The following SLC2A13 variants were observed in gnomAD, a reference collection of about 807,000 sequenced individuals.
SLC2A13 encodes the protein proton myo-inositol cotransporter.
SLC2A13 carries 32 observed loss-of-function variants against 64.4 expected under a neutral mutation model. The observed-to-expected ratio is 0.50, with a 90% CI of 0.37 to 0.67. The LOEUF (loss-of-function observed/expected upper bound fraction) is 0.67, where lower values mean the gene tolerates loss of function less well. Among genes scored for constraint, SLC2A13 ranks in the 30% least tolerant of loss-of-function variants. SLC2A13 has a pLI of 0.00. For synonymous variants in SLC2A13, 338 were observed against 327.1 expected (o/e 1.03, Z -0.36); for missense variants, 743 against 829.2 (o/e 0.90, Z 1.28).
At chr12:39,962,200 C>T (rs1946425954) in intron 3 of SLC2A13, among the ~76,000 whole-genome samples, 1 of 152,192 alleles carries the variant, frequency 6.6e-6, no homozygotes, top group Non-Finnish European at 1.5e-5. Flanking sequence ...AAGTGATTCT[C>T]TTGCCTCAGC....
chr12:40,002,254 G>T (rs1245701121), intron 3 of SLC2A13, among the ~76,000 whole-genome samples: 1 of 152,108 alleles, frequency 6.6e-6, no homozygotes, highest in Non-Finnish European at 1.5e-5. Context: ...TCCTATAGTG[G>T]GTACTTTTTC....
At chr12:39,787,704 A>G (rs546837257) in intron 7 of SLC2A13, among the ~76,000 whole-genome samples, 1 of 151,182 alleles carries the variant, frequency 6.6e-6, no homozygotes, top group Non-Finnish European at 1.5e-5. Context: ...ATGCAAATGA[A>G]TAAATAGCAA....
chr12:39,976,376 A>G (rs1041547603), intron 3 of SLC2A13, among the ~76,000 whole-genome samples: 2 of 152,350 alleles, frequency 1.3e-5, no homozygotes, highest in African/African-American at 4.8e-5. Flanking sequence ...GTAGACAATG[A>G]TAAGTGCCAT....
chr12:40,011,192 T>A (rs28370766), intron 3 of SLC2A13, among the ~76,000 whole-genome samples: 103 of 152,176 alleles, frequency 6.8e-4, no homozygotes, highest in African/African-American at 2.5e-3. Context: ...CTGTGTTGAG[T>A]GTTGACTTTT....
chr12:40,007,285 TA>T (rs1323949451), intron 3 of SLC2A13, among the ~76,000 whole-genome samples: 1 of 152,192 alleles, frequency 6.6e-6, no homozygotes, highest in Non-Finnish European at 1.5e-5. Context: ...ATATTTTCTA[TA>T]AAAAACTTGC....
At chr12:39,995,640 T>C (rs1157334600) in intron 3 of SLC2A13, among the ~76,000 whole-genome samples, 1 of 152,236 alleles carries the variant, frequency 6.6e-6, no homozygotes, top group Non-Finnish European at 1.5e-5. Context: ...GTCTTTTCCA[T>C]ACCAAATGTA....
At chr12:39,989,174 C>G (rs1947088057) in intron 3 of SLC2A13, among the ~76,000 whole-genome samples, 1 of 152,124 alleles carries the variant, frequency 6.6e-6, no homozygotes, top group African/African-American at 2.4e-5. Context: ...GCCCTTACCC[C>G]CTGAAACTCT....
chr12:40,087,696 T>C (rs1409895789), intron 1 of SLC2A13, among the ~76,000 whole-genome samples: 1 of 152,032 alleles, frequency 6.6e-6, no homozygotes, highest in Admixed American at 6.6e-5. Flanking sequence ...GAGACCAGAG[T>C]AAGCCAACAC....
At chr12:39,761,940 G>A (rs1035317372) in intron 9 of SLC2A13, among the ~76,000 whole-genome samples, 12 of 152,010 alleles carry the variant, frequency 7.9e-5, no homozygotes, top group African/African-American at 2.7e-4. Context: ...ATCTGTCAGC[G>A]CTAAACTCAC....
intron 3 of SLC2A13, among the ~76,000 whole-genome samples, chr12:40,010,301 C>A (rs567838143): frequency 1.3e-5 from 2 of 152,256 alleles, no homozygotes; most frequent in South Asian, 4.1e-4. Context: ...ATTTTTCCCA[C>A]TGGAAAATAA....
chr12:39,772,837 C>T (rs371462512), intron 7 of SLC2A13, among the ~76,000 whole-genome samples: 3 of 149,936 alleles, frequency 2.0e-5, no homozygotes, highest in Admixed American at 1.3e-4. Flanking sequence ...TGGCTATGCA[C>T]GTTTACATGT....
At chr12:40,086,539 T>C (rs1333693231) in intron 1 of SLC2A13, among the ~76,000 whole-genome samples, 2 of 152,176 alleles carry the variant, frequency 1.3e-5, no homozygotes, top group Non-Finnish European at 2.9e-5. Context: ...ATTTCATCTC[T>C]ATATATAAGA....
chr12:40,098,891 A>G (rs1939052131), intron 1 of SLC2A13, among the ~76,000 whole-genome samples: 1 of 152,192 alleles, frequency 6.6e-6, no homozygotes, highest in African/African-American at 2.4e-5. Context: ...CCCTGCCAAG[A>G]GGATGGACTG....
intron 7 of SLC2A13, among the ~76,000 whole-genome samples, chr12:39,765,881 C>T (rs1034430532): frequency 2.6e-5 from 4 of 152,044 alleles, no homozygotes; most frequent in Non-Finnish European, 4.4e-5. Context: ...GCTCTCCCTC[C>T]TCCCAGCCCC....
At chr12:39,969,362 G>C (rs1946597823) in intron 3 of SLC2A13, among the ~76,000 whole-genome samples, 1 of 152,154 alleles carries the variant, frequency 6.6e-6, no homozygotes, top group Non-Finnish European at 1.5e-5. Flanking sequence ...CTAGATCCTT[G>C]AGGAATCGCC....
rs1364439328 is a variant in SLC2A13, at chr12:39,758,176, A to G, written c.*1850T>C. On this transcript the variant is annotated 3_prime_UTR_variant, in exon 10 of 10. Coordinates refer to ENST00000280871, the MANE Select transcript of SLC2A13 (RefSeq NM_052885.4). ...AATTCAAGGAAAAAACCTCTATAAA[A>G]TATTAATTTTTTTTATTATATGAAA... 6.6e-6 allele frequency: 1 copy of G among 151,662 alleles called. No homozygotes were observed. Among genetic ancestry groups the G allele is most frequent in the Non-Finnish European group, 1.5e-5 (1 of 67,728 alleles). The allele number at this position is 151,662 out of a possible 1,614,324, so 9.4% of individuals were successfully genotyped here. A position where few individuals can be genotyped will look rare whatever the true frequency, so the allele number is the denominator to read the frequency against.
intron 4 of SLC2A13, among the ~76,000 whole-genome samples, chr12:39,930,130 CA>C (rs11385191): frequency 0.025 from 2,414 of 95,858 alleles, 42 homozygotes; most frequent in African/African-American, 0.081. Context: ...GACTTCGTCT[CA>C]AAAAAAAAAA....
Position 39,871,044 on chromosome 12 carries a change from T to C in SLC2A13, c.1198+754A>G, listed in dbSNP as rs140072141. 4.1e-3 allele frequency among the ~76,000 whole-genome samples: 627 copies of C among 152,250 alleles called. 6 individuals are homozygous for C. The highest frequency in any genetic ancestry group is 0.014 in the African/African-American group (602 of 41,570). ...AACTTATAAAGGAGTTATTAGAGTA[T>C]AGCTAATTGATACATAGGAATGTAC... On this transcript the variant is annotated intron_variant, in intron 5 of 9. Transcript: ENST00000280871.
chr12:39,804,701 C>T (rs1288884130), intron 7 of SLC2A13, among the ~76,000 whole-genome samples: 1 of 152,076 alleles, frequency 6.6e-6, no homozygotes, highest in Non-Finnish European at 1.5e-5. Flanking sequence ...AACGTCTGTC[C>T]TCTCAGAGGA....
Sources: allele counts gnomAD v4.1 joint callset (sites outside exome capture counted in the v4.1 genomes callset), GRCh38; gene constraint gnomAD v4.1.1; transcripts MANE v1.5; gene names NCBI Gene and HGNC (gene_info 2026-07-23, HGNC 2026-07-21).